The following CFAP46 variants were observed in gnomAD, a reference collection of about 807,000 sequenced individuals.
The protein encoded by CFAP46 is cilia- and flagella-associated protein 46.
A neutral mutation model predicts 325.7 loss-of-function variants in CFAP46; 245 were observed. That is an observed-to-expected ratio of 0.75 (90% confidence interval 0.68 to 0.84). The LOEUF is 0.84. Ranked by LOEUF, CFAP46 falls within the 40% of genes least tolerant of loss-of-function variation. The pLI, the probability that CFAP46 is intolerant of heterozygous loss-of-function variation, is 0.00. For synonymous variants in CFAP46, 1,523 were observed against 1,495.9 expected (o/e 1.02, Z -0.42); for missense variants, 3,346 against 3,543.0 (o/e 0.94, Z 1.41).
At chr10:132,913,000 G>A (rs979733195) in intron 18 of CFAP46, 46 bp downstream of exon 18, 1 of 1,537,816 alleles carries the variant, frequency 6.5e-7, no homozygotes. Context: ...GGTCTCCCAA[G>A]GGAAGAAGCC....
intron 29 of CFAP46, 65 bp downstream of exon 29, chr10:132,879,361 T>C: frequency 7.1e-7 from 1 of 1,411,884 alleles, no homozygotes; most frequent in Non-Finnish European, 9.3e-7. Flanking sequence ...TCACTGCGGT[T>C]TCCCCAGCCC....
Position 132,869,193 on chromosome 10 carries a change from TGGCCGC to T in CFAP46, c.4610+75_4610+80del. On this transcript the variant is annotated intron_variant, in intron 33 of 57. Coordinates refer to ENST00000368586, the MANE Select transcript of CFAP46 (RefSeq NM_001200049.3). This position sits in a 1 kb window ranked among gnomAD's most constrained non-coding sequence, Gnocchi z 6.2. ...AGGGGCAGGAGTCCAGGGAAGAGGG[TGGCCGC>T]GCAGCTGGCTTTCACCTGGCCGCAC... The T allele has an allele frequency of 8.5e-7, 1 of 1,172,988 alleles. No individual in the cohort carries two copies. The highest frequency in any genetic ancestry group is 1.2e-6 in the Non-Finnish European group (1 of 852,684). 72.7% of individuals were successfully genotyped at this position (1,172,988 alleles called of 1,614,324 possible).
At position 132,918,400 on chromosome 10, in the gene CFAP46, T is replaced by C. The variant is rs538885996; in HGVS notation, c.1979A>G (p.His660Arg). ...LRKFAEVGFIHAEATVHLLRS... is the reference protein window; with the variant it reads ...LRKFAEVGFIRAEATVHLLRS... ...CCCCTCTCCATGACGCACCTCAGCATGGATGAACCCCACCTCCGCGAACTT... is the reference window on the plus strand; with the variant it reads ...CCCCTCTCCATGACGCACCTCAGCACGGATGAACCCCACCTCCGCGAACTT... Residue 660 changes from histidine (H) to arginine (R), a missense_variant, in exon 16 of 58, where the codon CAT becomes CGT. His to Arg is a conservative substitution (Grantham distance 29). Transcript: ENST00000368586. 1.4e-5 allele frequency: 22 copies of C among 1,536,804 alleles called. No individual in the cohort carries two copies. The African/African-American group carries it at 2.0e-4, about 14-fold the overall frequency.
At chr10:132,936,507 T>C (rs1469418064) in intron 7 of CFAP46, among the ~76,000 whole-genome samples, 3 of 124,628 alleles carry the variant, frequency 2.4e-5, no homozygotes, top group Non-Finnish European at 3.3e-5. Flanking sequence ...CTCACTCCCC[T>C]CGGCCCCCAA....
chr10:132,909,968 T>C lies in CFAP46; in HGVS notation c.2600A>G (p.Lys867Arg), dbSNP rs1330435655. 1.3e-6 allele frequency: 2 copies of C among 1,538,018 alleles called. No homozygotes were observed. Among genetic ancestry groups the C allele is most frequent in the Admixed American group, 2.0e-5 (1 of 49,442 alleles). Residue 867 changes from lysine (K) to arginine (R), a missense_variant, in exon 20 of 58, where the codon AAG (lysine) becomes AGG (arginine). Coordinates refer to ENST00000368586, the MANE Select transcript of CFAP46 (RefSeq NM_001200049.3). ...QQLIATWVKA[K>R]QLLQQQIGPR... is the part of the protein sequence containing the mutation. ...CCCAATCTGCTGCTGCAGCAGCTGCTTGGCCTTGACCCAGGTGGCGATAAG... is the reference window on the plus strand; with the variant it reads ...CCCAATCTGCTGCTGCAGCAGCTGCCTGGCCTTGACCCAGGTGGCGATAAG...
chr10:132,892,325 C>G lies in CFAP46; in HGVS notation c.3304+8G>C. Reference sequence around the variant, plus strand: ...GGAGCCTGTGGGTCTGTCTGTCCTGCTACAAACCTGGAAGAAAATATCCTT... The same window carrying G: ...GGAGCCTGTGGGTCTGTCTGTCCTGGTACAAACCTGGAAGAAAATATCCTT... On this transcript the variant is annotated splice_region_variant and intron_variant, in intron 25 of 57. Transcript: ENST00000368586. 1 of 1,550,704 alleles carries G rather than the reference C, an allele frequency of 6.4e-7. No individual in the cohort carries two copies. The highest frequency in any genetic ancestry group is 2.4e-5 in the East Asian group (1 of 40,920).
intron 50 of CFAP46, among the ~76,000 whole-genome samples, chr10:132,826,123 G>A (rs1414610032): frequency 7.3e-6 from 1 of 136,342 alleles, no homozygotes; most frequent in African/African-American, 2.8e-5. Flanking sequence ...AGCCAGGCAG[G>A]AGCCGGAGCC....
rs147877334 is a variant in CFAP46, at chr10:132,891,266, C to G, written c.3304+1067G>C. Among the ~76,000 whole-genome samples, 33 of 152,344 alleles carry G rather than the reference C, an allele frequency of 2.2e-4. No homozygotes were observed. The East Asian group carries it at 5.0e-3, about 23-fold the overall frequency. ...AGCCCCCCAACCGACTGAATGGGCCCTCCTCTCGGCCAAGGGCCTTCTGAA... is the reference window on the plus strand; with the variant it reads ...AGCCCCCCAACCGACTGAATGGGCCGTCCTCTCGGCCAAGGGCCTTCTGAA... On this transcript the variant is annotated intron_variant, in intron 25 of 57. Transcript: ENST00000368586.
chr10:132,850,156 A>C (rs1848511926), intron 41 of CFAP46, 88 bp downstream of exon 41: 2 of 1,303,302 alleles, frequency 1.5e-6, no homozygotes, highest in African/African-American at 1.5e-5. Context: ...TGCTGCAATC[A>C]CAGGAGTCCT....
intron 17 of CFAP46, among the ~76,000 whole-genome samples, chr10:132,914,819 G>A (rs538405456): frequency 2.6e-5 from 4 of 151,544 alleles, no homozygotes; most frequent in East Asian, 3.9e-4. Context: ...ACTGCACCCC[G>A]GCCCGAGGCT....
Position 132,879,454 on chromosome 10 carries a change from G to C in CFAP46, c.3977C>G (p.Ala1326Gly). The C allele has an allele frequency of 3.3e-6, 5 of 1,537,562 alleles. No individual in the cohort carries two copies. The highest frequency in any genetic ancestry group is 4.4e-6 in the Non-Finnish European group (5 of 1,139,734). ...CCAGATGTGCCTGAAGAAGGCGTAG[G>C]CTGCAAGGCAGCAGTCCTCGTAGCC... ...AEGYEDCCLAAYAFFRHIWQV... is the reference protein window; with the variant it reads ...AEGYEDCCLAGYAFFRHIWQV... The change falls in exon 29 of 58, where the codon GCC becomes GGC. Residue 1326 changes from alanine (A) to glycine (G), a missense_variant. Coordinates refer to ENST00000368586, the MANE Select transcript of CFAP46 (RefSeq NM_001200049.3).
intron 20 of CFAP46, 66 bp from the exon 21 acceptor site, chr10:132,909,310 A>G (rs1487247233): frequency 2.7e-5 from 29 of 1,077,044 alleles, no homozygotes; most frequent in Admixed American, 1.6e-4. Context: ...ATATGCGTGA[A>G]TTTAACACTG....
chr10:132,885,014 C>T (rs914363259), intron 27 of CFAP46, 89 bp downstream of exon 27: 10 of 1,387,226 alleles, frequency 7.2e-6, no homozygotes, highest in Non-Finnish European at 9.7e-6. Flanking sequence ...TGCCCCACAC[C>T]AGGTCCCTGC....
At chr10:132,881,176 G>A in intron 27 of CFAP46, 144 bp from the exon 28 acceptor site, 1 of 771,400 alleles carries the variant, frequency 1.3e-6, no homozygotes, top group Non-Finnish European at 2.1e-6. Context: ...CGCCTCTAAT[G>A]AGACCAAGTT....
At chr10:132,857,961 A>C (rs1284430323) in intron 38 of CFAP46, among the ~76,000 whole-genome samples, 173 bp from the exon 39 acceptor site, 1 of 152,258 alleles carries the variant, frequency 6.6e-6, no homozygotes, top group Non-Finnish European at 1.5e-5. Flanking sequence ...AGCTGGAATA[A>C]TGCAGTATGT....
rs773860016 is a variant in CFAP46, at chr10:132,835,446, T to C, written c.6614-12A>G. On this transcript the variant is annotated splice_polypyrimidine_tract_variant and intron_variant, in intron 46 of 57. Transcript: ENST00000368586. ...CACCTTGCAGGAGCCTGTGGGGACA[T>C]GGACACACCCTCTGTCGCTGCCCAG... 3.1e-6 allele frequency: 5 copies of C among 1,613,236 alleles called. No individual in the cohort carries two copies. In the African/African-American group the frequency reaches 4.0e-5, roughly 13 times the overall value.
chr10:132,833,904 G>C, intron 49 of CFAP46, 137 bp downstream of exon 49: 1 of 768,542 alleles, frequency 1.3e-6, no homozygotes, highest in Non-Finnish European at 2.2e-6. Flanking sequence ...GGCCTCAGGG[G>C]AAGGAGCAGC....
chr10:132,922,826 C>T (rs1849748502), intron 11 of CFAP46, 118 bp from the exon 12 acceptor site: 5 of 787,568 alleles, frequency 6.3e-6, no homozygotes, highest in South Asian at 1.7e-5. Flanking sequence ...GCTTGGTGCC[C>T]GGTGCCCCTG....
intron 39 of CFAP46, among the ~76,000 whole-genome samples, chr10:132,857,249 T>C (rs1247274620): frequency 6.6e-6 from 1 of 152,146 alleles, no homozygotes; most frequent in Admixed American, 6.5e-5. Context: ...TGCCCTCCCC[T>C]CCCTGGGGCT....
Sources: allele counts gnomAD v4.1 joint callset (sites outside exome capture counted in the v4.1 genomes callset), GRCh38; gene constraint gnomAD v4.1.1; non-coding constraint Gnocchi (gnomAD v3.1); transcripts MANE v1.5; gene names NCBI Gene and HGNC (gene_info 2026-07-23, HGNC 2026-07-21).